Variants in SLC26A4 observed in about 807,000 individuals in gnomAD.
SLC26A4 encodes the protein pendrin.
Under a neutral mutation model 90.4 loss-of-function variants are expected in SLC26A4, and 93 were observed. That is an observed-to-expected ratio of 1.03 (90% CI 0.87 to 1.22). SLC26A4 has a LOEUF of 1.22. Among genes scored for constraint, SLC26A4 ranks in the 50% most tolerant of loss-of-function variants. SLC26A4 has a pLI of 0.00. For missense variants in SLC26A4, 1,127 were observed against 946.2 expected (o/e 1.19, Z -2.51); for synonymous variants, 393 against 354.6 (o/e 1.11, Z -1.22).
chr7:107,673,550 T>G (rs998045460), intron 4 of SLC26A4, among the ~76,000 whole-genome samples: 1 of 152,080 alleles, frequency 6.6e-6, no homozygotes, highest in African/African-American at 2.4e-5. Flanking sequence ...AGAAAACCTT[T>G]CCTGACAACT....
chr7:107,713,821 C>A (rs749016036), intron 20 of SLC26A4, among the ~76,000 whole-genome samples: 1 of 152,074 alleles, frequency 6.6e-6, no homozygotes, highest in Non-Finnish European at 1.5e-5. Context: ...TTTAATTGAG[C>A]TTTGACCCTA....
chr7:107,694,812 C>T (rs1305418705), intron 12 of SLC26A4, 96 bp downstream of exon 12: 4 of 882,364 alleles, frequency 4.5e-6, no homozygotes, highest in African/African-American at 3.3e-5. Context: ...CTAAGTCTCA[C>T]TTGTGCTTTG....
rs780574717 is a variant in SLC26A4, at chr7:107,690,151, A to G, written c.1177A>G (p.Ile393Val). 5 of 1,612,374 alleles carry G rather than the reference A, an allele frequency of 3.1e-6. No homozygotes were observed. In the African/African-American group the frequency reaches 4.0e-5, roughly 13 times the overall value. The change falls in exon 10 of 21, where the codon ATC becomes GTC. Residue 393 changes from isoleucine (I) to valine (V), a missense_variant. Physicochemically the swap from Ile to Val is conservative, Grantham distance 29 (BLOSUM62 3). Coordinates refer to ENST00000644269, the MANE Select transcript of SLC26A4 (RefSeq NM_000441.2). The stretch of plus-strand genomic sequence containing the variant: ...ATTCATTGCCTTTGGGATCAGCAAC[A>G]TCTTCTCAGGATTCTTCTCTTGTTT... The part of the protein sequence containing the change: ...QEFIAFGISN[I>V]FSGFFSCFVA...
At chr7:107,700,293 G>C in intron 15 of SLC26A4, 118 bp downstream of exon 15, 3 of 663,650 alleles carry the variant, frequency 4.5e-6, no homozygotes, top group East Asian at 2.7e-5. Flanking sequence ...CCTTTGTGTA[G>C]GGCAATGAGA....
At chr7:107,694,018 CA>C (rs1791658151) in intron 10 of SLC26A4, among the ~76,000 whole-genome samples, 2 of 152,148 alleles carry the variant, frequency 1.3e-5, no homozygotes, top group African/African-American at 4.8e-5. Context: ...AAGAATACGA[CA>C]ATGATCTCTG....
At chr7:107,670,852 A>C (rs1295341430) in intron 3 of SLC26A4, among the ~76,000 whole-genome samples, 2 of 152,178 alleles carry the variant, frequency 1.3e-5, no homozygotes, top group African/African-American at 4.8e-5. Flanking sequence ...AAAGAATGTC[A>C]TTATCCTCTT....
intron 10 of SLC26A4, chr7:107,693,686 T>C: frequency 1.0e-6 from 1 of 992,010 alleles, no homozygotes. Flanking sequence ...AGAGCTATTT[T>C]TGCCAGCGAA....
intron 3 of SLC26A4, among the ~76,000 whole-genome samples, chr7:107,668,349 A>C (rs753453205): frequency 6.6e-6 from 1 of 152,182 alleles, no homozygotes; most frequent in Non-Finnish European, 1.5e-5. Flanking sequence ...AATTAATTAG[A>C]AGCCTCGTGA....
At chr7:107,697,427 T>C (rs754328758) in intron 13 of SLC26A4, among the ~76,000 whole-genome samples, 13 of 152,222 alleles carry the variant, frequency 8.5e-5, no homozygotes, top group South Asian at 2.1e-4. Context: ...AAACAGATAC[T>C]CTTTCTTCAG....
intron 10 of SLC26A4, among the ~76,000 whole-genome samples, chr7:107,691,508 T>TACACACACAC (rs1562833956): frequency 1.7e-4 from 9 of 54,074 alleles, no homozygotes; most frequent in East Asian, 2.9e-3. Flanking sequence ...GTGTCAAATA[T>TACACACACAC]ATATATACAC....
At chr7:107,687,232 C>A (rs111437865) in intron 8 of SLC26A4, among the ~76,000 whole-genome samples, 23 of 152,322 alleles carry the variant, frequency 1.5e-4, no homozygotes, top group Admixed American at 1.0e-3. Context: ...TGGGGCCAAA[C>A]AGGCCCACTG....
At chr7:107,679,243 T>G (rs1218181087) in intron 6 of SLC26A4, among the ~76,000 whole-genome samples, 1 of 152,178 alleles carries the variant, frequency 6.6e-6, no homozygotes, top group Non-Finnish European at 1.5e-5. Flanking sequence ...TTTGTCTCAG[T>G]AGACAAGGGT....
rs181756396 is a variant in SLC26A4, at chr7:107,709,035, A to G, written c.2090-1019A>G. Among the ~76,000 whole-genome samples, 550 of 152,326 alleles carry G rather than the reference A, an allele frequency of 3.6e-3. 3 individuals carry two copies. The highest frequency in any genetic ancestry group is 6.3e-3 in the Admixed American group (96 of 15,304). On this transcript the variant is annotated intron_variant, in intron 18 of 20. Transcript: ENST00000644269. The stretch of plus-strand genomic sequence containing the variant: ...TGCACAAGCGATTTATTGAGAATAC[A>G]TCTGAGGAAATTTATGAAGCAGTGA...
At chr7:107,680,755 A>G (rs1562827876) in intron 6 of SLC26A4, among the ~76,000 whole-genome samples, 1 of 152,076 alleles carries the variant, frequency 6.6e-6, no homozygotes, top group African/African-American at 2.4e-5. Context: ...ATTGATTCTC[A>G]TGGATTAAAC....
At chr7:107,703,439 G>A (rs935649444) in intron 17 of SLC26A4, among the ~76,000 whole-genome samples, 1 of 152,222 alleles carries the variant, frequency 6.6e-6, no homozygotes, top group Non-Finnish European at 1.5e-5. Context: ...CTTGGCAAAA[G>A]AGTATGAGAA....
At chr7:107,686,405 T>TTTTG (rs1554357994) in intron 8 of SLC26A4, among the ~76,000 whole-genome samples, 1 of 82,524 alleles carries the variant, frequency 1.2e-5, no homozygotes, top group Non-Finnish European at 2.3e-5. Context: ...TCTCTCTCTT[T>TTTTG]TTTCTTTCTT....
intron 3 of SLC26A4, among the ~76,000 whole-genome samples, chr7:107,669,132 A>T (rs1311161014): frequency 6.6e-6 from 1 of 152,004 alleles, no homozygotes; most frequent in Non-Finnish European, 1.5e-5. Context: ...TAATTTGTGT[A>T]TTTTTAGTAG....
chr7:107,698,019 G>C (rs759916555), intron 13 of SLC26A4, 23 bp from the exon 14 acceptor site: 13 of 1,528,448 alleles, frequency 8.5e-6, no homozygotes, highest in Non-Finnish European at 1.2e-5. Flanking sequence ...AAAAAATCTT[G>C]ACCTTGATAT....
At chr7:107,665,640 TC>T (rs1389850976) in intron 3 of SLC26A4, among the ~76,000 whole-genome samples, 8 of 152,138 alleles carry the variant, frequency 5.3e-5, no homozygotes, top group African/African-American at 1.9e-4. Flanking sequence ...GCTCCATGTC[TC>T]CCCAGTTTTC....
Sources: gnomAD v4.1 joint callset for allele counts (sites outside exome capture counted in the v4.1 genomes callset) on GRCh38, gnomAD v4.1.1 for gene constraint, MANE v1.5 for transcripts, NCBI Gene and HGNC (gene_info 2026-07-23, HGNC 2026-07-21) for gene names.